The following PIEZO2 variants were observed in gnomAD, a reference collection of about 807,000 sequenced individuals.
The protein encoded by PIEZO2 is piezo type mechanosensitive ion channel component 2.
PIEZO2 carries 172 observed loss-of-function variants against 337.3 expected under a neutral mutation model. The observed-to-expected ratio is 0.51, with a 90% CI of 0.45 to 0.58. PIEZO2 has a LOEUF of 0.58. Ranked by LOEUF, PIEZO2 falls within the 20% of genes least tolerant of loss-of-function variation. The pLI is 0.00. For synonymous variants in PIEZO2, 1,251 were observed against 1,228.5 expected (o/e 1.02, Z -0.38); for missense variants, 3,028 against 3,391.3 (o/e 0.89, Z 2.66).
intron 2 of PIEZO2, among the ~76,000 whole-genome samples, chr18:10,994,400 CTTT>C (rs71169965): frequency 3.5e-5 from 5 of 143,300 alleles, no homozygotes; most frequent in Non-Finnish European, 3.1e-5. Context: ...TTTGTTCTTT[CTTT>C]TTTTTTTTTT....
chr18:10,964,010 C>T (rs1435958203), intron 3 of PIEZO2, among the ~76,000 whole-genome samples: 1 of 152,132 alleles, frequency 6.6e-6, no homozygotes, highest in Non-Finnish European at 1.5e-5. Flanking sequence ...AAACCACCTT[C>T]CTGCCAGACC....
rs967042218 is a variant in PIEZO2 at position 10,889,445 on chromosome 18, G to A, written c.330-18030C>T. Among the ~76,000 whole-genome samples the A allele has an allele frequency of 3.3e-5, 5 of 152,334 alleles. No individual in the cohort carries two copies. The South Asian group carries it at 8.3e-4, about 25-fold the overall frequency. On this transcript the variant is annotated intron_variant, in intron 4 of 55. Transcript: ENST00000674853. ...GAAAACTATAAAGTGTGACTCTAAT[G>A]TCTTTATTTGCAGATTCGGGAAATT...
intron 7 of PIEZO2, among the ~76,000 whole-genome samples, chr18:10,816,926 C>T (rs16975413): frequency 0.19 from 28,303 of 151,826 alleles, 2,689 homozygotes; most frequent in Middle Eastern, 0.24. Flanking sequence ...ATTGAAGATA[C>T]GTTGGGGCTC....
At position 11,146,410 on chromosome 18, in the gene PIEZO2, A is replaced by G. The variant is rs577368038; in HGVS notation, c.64+2115T>C. Among the ~76,000 whole-genome samples the G allele has an allele frequency of 1.8e-3, 281 of 152,192 alleles. 1 individual carries two copies. The highest frequency in any genetic ancestry group is 6.2e-3 in the African/African-American group (259 of 41,530). On this transcript the variant is annotated intron_variant, in intron 1 of 55. Coordinates refer to ENST00000674853, the MANE Select transcript of PIEZO2 (RefSeq NM_001378183.1). This position sits in a 1 kb window ranked among gnomAD's most constrained non-coding sequence, Gnocchi z 6.1. ...AAGCTCGGTGGGGGTCCCAGTGGTG[A>G]GAGGCAGGGCTGAATCCAGACCCCA...
intron 3 of PIEZO2, among the ~76,000 whole-genome samples, chr18:10,919,978 A>G (rs2031280188): frequency 6.6e-6 from 1 of 152,162 alleles, no homozygotes; most frequent in South Asian, 2.1e-4. Flanking sequence ...AACTCAAATT[A>G]TAGTGTTGTA....
intron 2 of PIEZO2, among the ~76,000 whole-genome samples, chr18:11,054,966 C>CT (rs1247534828): frequency 2.0e-5 from 3 of 152,210 alleles, no homozygotes; most frequent in Non-Finnish European, 4.4e-5. Flanking sequence ...AATCCCAGCA[C>CT]TTTGGGAGGC....
chr18:11,130,262 C>A (rs2040303446), intron 1 of PIEZO2, among the ~76,000 whole-genome samples: 1 of 152,204 alleles, frequency 6.6e-6, no homozygotes, highest in Non-Finnish European at 1.5e-5. Flanking sequence ...AGTGGTAACT[C>A]CAACTGCAGC....
chr18:10,992,279 G>T (rs534501586), intron 2 of PIEZO2, among the ~76,000 whole-genome samples: 2 of 152,202 alleles, frequency 1.3e-5, no homozygotes, highest in South Asian at 4.2e-4. Context: ...CAATGCTTTT[G>T]GTGTTTTAGG....
intron 1 of PIEZO2, among the ~76,000 whole-genome samples, chr18:11,134,106 G>T (rs2040414657): frequency 6.6e-6 from 1 of 152,160 alleles, no homozygotes; most frequent in Non-Finnish European, 1.5e-5. Context: ...AGACCCATGT[G>T]ATCAGCACAT....
intron 1 of PIEZO2, among the ~76,000 whole-genome samples, chr18:11,082,323 CT>C (rs148198844): frequency 6.0e-4 from 87 of 145,054 alleles, no homozygotes; most frequent in Non-Finnish European, 5.9e-4. Flanking sequence ...TTTTCTTTTT[CT>C]TTTTTTTTTT....
intron 3 of PIEZO2, among the ~76,000 whole-genome samples, chr18:10,913,538 T>A (rs2030666877): frequency 6.6e-6 from 1 of 152,224 alleles, no homozygotes; most frequent in Admixed American, 6.5e-5. Flanking sequence ...ATTTTTTATT[T>A]TTAATAGGTT....
At chr18:10,825,723 G>A (rs58906929) in intron 7 of PIEZO2, among the ~76,000 whole-genome samples, 3,431 of 151,548 alleles carry the variant, frequency 0.023, 107 homozygotes, top group African/African-American at 0.078. Flanking sequence ...GCTAATTTTT[G>A]TATTTTTAGT....
chr18:10,759,953 T>A lies in PIEZO2; in HGVS notation c.3451-44A>T, dbSNP rs1274703760. The A allele has an allele frequency of 6.7e-7, 1 of 1,503,046 alleles. No homozygotes were observed. The highest frequency in any genetic ancestry group is 1.2e-5 in the South Asian group (1 of 83,258). 93.1% of individuals were successfully genotyped at this position (1,503,046 alleles called of 1,614,324 possible). ...AGGCAAAAAAAAAAAATCAGGCATA[T>A]GGGAAAGGGGACTGGTGATAGGTGT... On this transcript the variant is annotated intron_variant, in intron 24 of 55. Transcript: ENST00000674853. The surrounding 1 kb of genome is among the most constrained non-coding windows in gnomAD (Gnocchi z 5.5).
intron 36 of PIEZO2, among the ~76,000 whole-genome samples, chr18:10,730,837 C>T (rs1274574748): frequency 6.6e-6 from 1 of 152,148 alleles, no homozygotes; most frequent in East Asian, 1.9e-4. Context: ...CGCCGTTCTC[C>T]TGCCTCAGCC....
chr18:11,100,961 AAAG>A (rs1346085473), intron 1 of PIEZO2, among the ~76,000 whole-genome samples: 27 of 152,220 alleles, frequency 1.8e-4, no homozygotes, highest in African/African-American at 6.5e-4. Context: ...GAAGAAGGGC[AAAG>A]AAGACCAACT....
intron 18 of PIEZO2, among the ~76,000 whole-genome samples, chr18:10,776,819 C>G (rs1380449150): frequency 6.6e-6 from 1 of 151,832 alleles, no homozygotes; most frequent in Non-Finnish European, 1.5e-5. Flanking sequence ...TTTTTCCTTC[C>G]TAGCAAATAA....
chr18:11,045,255 C>A (rs1461964658), intron 2 of PIEZO2, among the ~76,000 whole-genome samples: 3 of 133,332 alleles, frequency 2.3e-5, no homozygotes, highest in Non-Finnish European at 4.6e-5. Context: ...GAGATCGCGC[C>A]ACTGCACTCC....
In PIEZO2 at chr18:10,942,653, A is replaced by G. The variant is rs374998471; in HGVS notation, c.287-31425T>C. Among the ~76,000 whole-genome samples, 4 of 152,350 alleles carry G rather than the reference A, an allele frequency of 2.6e-5. No homozygotes were observed. The highest frequency in any genetic ancestry group is 1.9e-4 in the East Asian group (1 of 5,190). ...CGGAAAATTTGCAGCCTGACAATGC[A>G]ATAAAAAAGAAAATCCCATTTTCTG... On this transcript the variant is annotated intron_variant, in intron 3 of 55. Coordinates refer to ENST00000674853, the MANE Select transcript of PIEZO2 (RefSeq NM_001378183.1). This position sits in a 1 kb window ranked among gnomAD's most constrained non-coding sequence, Gnocchi z 4.4.
intron 5 of PIEZO2, among the ~76,000 whole-genome samples, chr18:10,858,093 G>A (rs1455875888): frequency 2.7e-5 from 4 of 149,430 alleles, no homozygotes; most frequent in South Asian, 2.1e-4. Flanking sequence ...AGGCTGAGGC[G>A]GCCAGATCAC....
Sources: gnomAD v4.1 joint callset for allele counts (sites outside exome capture counted in the v4.1 genomes callset) on GRCh38, gnomAD v4.1.1 for gene constraint, Gnocchi (gnomAD v3.1) non-coding constraint, MANE v1.5 for transcripts, NCBI Gene and HGNC (gene_info 2026-07-23, HGNC 2026-07-21) for gene names.